The following ZCWPW2 variants were observed in gnomAD, a reference collection of about 807,000 sequenced individuals.
ZCWPW2 encodes zinc finger CW-type and PWWP domain containing 2, also known as zinc finger CW-type PWWP domain protein 2.
ZCWPW2 carries 45 observed loss-of-function variants against 46.6 expected under a neutral mutation model. That is an observed-to-expected ratio of 0.96 (90% confidence interval 0.76 to 1.24). ZCWPW2 has a LOEUF of 1.24. ZCWPW2 is among the 50% of genes most tolerant of loss of function. The pLI, the probability that ZCWPW2 is intolerant of heterozygous loss-of-function variation, is 0.00. For missense variants in ZCWPW2, 429 were observed against 403.9 expected, an observed-to-expected ratio of 1.06 and a Z score of -0.53; for synonymous variants, 152 against 137.1, an observed-to-expected ratio of 1.11 and a Z score of -0.76.
At chr3:28,491,295 A>G (rs1699803542) in intron 5 of ZCWPW2, among the ~76,000 whole-genome samples, 1 of 152,148 alleles carries the variant, frequency 6.6e-6, no homozygotes, top group Non-Finnish European at 1.5e-5. Flanking sequence ...GCATGAATAT[A>G]GTAACCTGTT....
intron 4 of ZCWPW2, among the ~76,000 whole-genome samples, chr3:28,476,030 T>A (rs1011803580): frequency 6.6e-6 from 1 of 152,028 alleles, no homozygotes; most frequent in Non-Finnish European, 1.5e-5. Flanking sequence ...ATCAATAAAT[T>A]CAATCTGCAA....
intron 6 of ZCWPW2, among the ~76,000 whole-genome samples, chr3:28,511,863 A>G (rs1700434712): frequency 2.0e-5 from 3 of 152,176 alleles, no homozygotes; most frequent in African/African-American, 7.2e-5. Flanking sequence ...ATTCTGTAGT[A>G]GCTCTTTCAG....
intron 4 of ZCWPW2, among the ~76,000 whole-genome samples, chr3:28,460,442 A>G (rs1425043853): frequency 6.6e-5 from 10 of 152,180 alleles, no homozygotes; most frequent in Non-Finnish European, 2.9e-5. Flanking sequence ...TGCTTCAAGT[A>G]TTCAATAATT....
At chr3:28,505,924 G>C (rs1426588539) in intron 6 of ZCWPW2, among the ~76,000 whole-genome samples, 1 of 151,496 alleles carries the variant, frequency 6.6e-6, no homozygotes, top group Non-Finnish European at 1.5e-5. Context: ...TCATTTAGCT[G>C]AATAGTGACT....
At chr3:28,444,291 T>G (rs908944514) in intron 4 of ZCWPW2, among the ~76,000 whole-genome samples, 1 of 152,172 alleles carries the variant, frequency 6.6e-6, no homozygotes, top group Non-Finnish European at 1.5e-5. Context: ...GACTTTAGTC[T>G]AGTTATAGGT....
chr3:28,385,101 A>G (rs1463617678), intron 1 of ZCWPW2, among the ~76,000 whole-genome samples: 1 of 152,220 alleles, frequency 6.6e-6, no homozygotes, highest in African/African-American at 2.4e-5. Context: ...TGGGGGACAT[A>G]TTAAGATGAT....
chr3:28,478,953 A>G (rs1699331617), intron 5 of ZCWPW2, 22 bp downstream of exon 5: 2 of 1,443,076 alleles, frequency 1.4e-6, no homozygotes, highest in South Asian at 1.3e-5. Flanking sequence ...TTTTTTCTTT[A>G]TTACTCTGAA....
At chr3:28,369,136 T>A (rs1705223510) in intron 1 of ZCWPW2, among the ~76,000 whole-genome samples, 1 of 152,232 alleles carries the variant, frequency 6.6e-6, no homozygotes, top group South Asian at 2.1e-4. Flanking sequence ...AGTTTGATCA[T>A]CTGAAGTCTT....
intron 4 of ZCWPW2, among the ~76,000 whole-genome samples, chr3:28,467,406 G>A (rs931742810): frequency 1.3e-5 from 2 of 151,980 alleles, no homozygotes; most frequent in African/African-American, 4.8e-5. Context: ...CACAGGACTT[G>A]AATCATCATT....
intron 1 of ZCWPW2, among the ~76,000 whole-genome samples, chr3:28,383,531 T>C (rs1434698591): frequency 1.3e-5 from 2 of 152,116 alleles, no homozygotes; most frequent in Non-Finnish European, 1.5e-5. Context: ...AATGGGCATT[T>C]GGTGTGTTTA....
intron 3 of ZCWPW2, among the ~76,000 whole-genome samples, chr3:28,426,530 T>G (rs1259930291): frequency 6.6e-6 from 1 of 152,242 alleles, no homozygotes; most frequent in Non-Finnish European, 1.5e-5. Context: ...TGATACTTTT[T>G]AGACACAGTA....
At chr3:28,445,449 G>A (rs1055504365) in intron 4 of ZCWPW2, among the ~76,000 whole-genome samples, 2 of 152,028 alleles carry the variant, frequency 1.3e-5, no homozygotes, top group African/African-American at 4.8e-5. Context: ...CAGAATTTGT[G>A]TATGTTGGGG....
intron 5 of ZCWPW2, among the ~76,000 whole-genome samples, chr3:28,480,869 T>TC (rs1317074996): frequency 6.8e-6 from 1 of 147,268 alleles, no homozygotes; most frequent in Non-Finnish European, 1.5e-5. Context: ...TTTTTCTTTT[T>TC]TTTTTTTTTT....
chr3:28,393,363 G>C (rs1695570791), intron 2 of ZCWPW2, among the ~76,000 whole-genome samples: 1 of 152,076 alleles, frequency 6.6e-6, no homozygotes, highest in South Asian at 2.1e-4. Context: ...AATATTTAAA[G>C]ATGAATTAAT....
At chr3:28,487,214 T>C (rs1183467536) in intron 5 of ZCWPW2, among the ~76,000 whole-genome samples, 1 of 152,122 alleles carries the variant, frequency 6.6e-6, no homozygotes, top group Non-Finnish European at 1.5e-5. Flanking sequence ...GCATCTCTTT[T>C]CATTCTGGTA....
chr3:28,371,027 C>G (rs953275402), intron 1 of ZCWPW2, among the ~76,000 whole-genome samples: 5 of 151,412 alleles, frequency 3.3e-5, no homozygotes, highest in Non-Finnish European at 1.5e-5. Context: ...CCACCATGCC[C>G]AATAAATTTT....
chr3:28,449,170 A>G (rs971480352), intron 4 of ZCWPW2, among the ~76,000 whole-genome samples: 2 of 152,172 alleles, frequency 1.3e-5, no homozygotes, highest in Non-Finnish European at 2.9e-5. Context: ...GTGCTCAGAA[A>G]AATTGGCTAG....
intron 5 of ZCWPW2, among the ~76,000 whole-genome samples, chr3:28,479,757 T>C (rs1001675665): frequency 4.6e-5 from 7 of 152,170 alleles, no homozygotes; most frequent in African/African-American, 1.2e-4. Context: ...CTCCCACTTA[T>C]AAGGGAGAAC....
chr3:28,477,621 C>CT lies in ZCWPW2; in HGVS notation c.493-1192dup, dbSNP rs1251831083. Among the ~76,000 whole-genome samples, 8 of 152,184 alleles carry CT rather than the reference C, an allele frequency of 5.3e-5. No individual in the cohort carries two copies. The East Asian group carries it at 1.4e-3, about 26-fold the overall frequency. On this transcript the variant is annotated intron_variant, in intron 4 of 9. Coordinates refer to ENST00000383768, the MANE Select transcript of ZCWPW2 (RefSeq NM_001040432.4). ...CAGAGTTGATATTAATTTGGGGACT[C>CT]TAAGAATATGGTGACATTTGAGAAG...
Sources: allele counts gnomAD v4.1 joint callset (sites outside exome capture counted in the v4.1 genomes callset), GRCh38; gene constraint gnomAD v4.1.1; transcripts MANE v1.5; gene names NCBI Gene and HGNC (gene_info 2026-07-23, HGNC 2026-07-21).